Variants in EFCAB3 observed in about 807,000 individuals in gnomAD.
EFCAB3 encodes EF-hand calcium-binding domain-containing protein 3.
In EFCAB3, 36 loss-of-function variants were observed where a neutral mutation model predicts 42.2. The ratio of observed to expected loss-of-function variants is 0.85; its 90% confidence interval spans 0.65 to 1.13. The LOEUF (loss-of-function observed/expected upper bound fraction) is 1.13, where lower values mean the gene tolerates loss of function less well. Among genes scored for constraint, EFCAB3 ranks in the 50% most tolerant of loss-of-function variants. The probability of loss-of-function intolerance (pLI) is 0.00; values close to 1 mark genes in which losing one functional copy is unlikely to be tolerated. For missense variants in EFCAB3, 418 were observed against 505.1 expected (o/e 0.83, Z 1.65); for synonymous variants, 170 against 172.8 (o/e 0.98, Z 0.13).
At chr17:62,393,747 G>A in intron 5 of EFCAB3, 103 bp downstream of exon 5, 1 of 985,910 alleles carries the variant, frequency 1.0e-6, no homozygotes, top group Non-Finnish European at 1.6e-6. Context: ...TCAGGAAGGT[G>A]TAGTCTGGGA....
At chr17:62,383,194 G>A (rs1378002414) in intron 2 of EFCAB3, 141 bp downstream of exon 2, 1 of 739,312 alleles carries the variant, frequency 1.4e-6, no homozygotes, top group Non-Finnish European at 2.1e-6. Flanking sequence ...TGAGATTATT[G>A]GCCAGATGCA....
Position 62,382,922 on chromosome 17 carries a change from A to G in EFCAB3, c.-17-41A>G, listed in dbSNP as rs1567721210. ...AGTTGCAAAAGAATATAAAGAATGA[A>G]TCTGTAAACTGATTTCTTAATTGTA... On this transcript the variant is annotated intron_variant, in intron 1 of 9. Transcript: ENST00000305286. 5 of 1,557,840 alleles carry G rather than the reference A, an allele frequency of 3.2e-6. No homozygotes were observed. The South Asian group carries it at 4.7e-5, about 15-fold the overall frequency.
chr17:62,384,465 A>C (rs1252593695), intron 2 of EFCAB3, among the ~76,000 whole-genome samples: 1 of 152,098 alleles, frequency 6.6e-6, no homozygotes, highest in African/African-American at 2.4e-5. Context: ...AGATACAAAA[A>C]TTAACTGGGT....
At chr17:62,383,958 A>C (rs548215473) in intron 2 of EFCAB3, among the ~76,000 whole-genome samples, 6 of 152,350 alleles carry the variant, frequency 3.9e-5, no homozygotes, top group African/African-American at 1.4e-4. Flanking sequence ...ACCTAACAAC[A>C]AATTTCAATT....
intron 6 of EFCAB3, among the ~76,000 whole-genome samples, chr17:62,400,514 T>C (rs565196300): frequency 2.0e-5 from 3 of 152,344 alleles, no homozygotes; most frequent in Non-Finnish European, 4.4e-5. Context: ...TTGCTCAGAA[T>C]GATGGTTTCC....
chr17:62,407,261 A>G (rs777083796), intron 8 of EFCAB3, 49 bp downstream of exon 8: 3 of 1,437,126 alleles, frequency 2.1e-6, no homozygotes, highest in Admixed American at 2.5e-5. Context: ...ATTTTTAAGC[A>G]CTAACTTAAC....
At chr17:62,397,562 C>G (rs1195440636) in intron 6 of EFCAB3, 3 of 591,118 alleles carry the variant, frequency 5.1e-6, no homozygotes, top group Non-Finnish European at 9.9e-6. Flanking sequence ...AGGAATTGTG[C>G]TGGAAAAAAT....
intron 4 of EFCAB3, among the ~76,000 whole-genome samples, chr17:62,393,273 C>T (rs2070319983): frequency 1.3e-5 from 2 of 152,134 alleles, no homozygotes; most frequent in Admixed American, 6.6e-5. Context: ...GAAGACAGGA[C>T]AGATTCCTTG....
chr17:62,413,662 A>T, intron 8 of EFCAB3, 70 bp from the exon 9 acceptor site: 2 of 1,199,238 alleles, frequency 1.7e-6, no homozygotes, highest in Non-Finnish European at 2.3e-6. Context: ...ATACTTATTT[A>T]TTATGTCTTT....
chr17:62,398,025 CAAAAAAA>C, intron 6 of EFCAB3: 18 of 91,340 alleles, frequency 2.0e-4, no homozygotes, highest in South Asian at 9.1e-4. Context: ...GACTCCATCT[CAAAAAAA>C]AAAAAAAAAA....
intron 1 of EFCAB3, among the ~76,000 whole-genome samples, chr17:62,371,735 G>C (rs1393269375): frequency 1.3e-5 from 2 of 152,296 alleles, no homozygotes; most frequent in East Asian, 3.9e-4. Flanking sequence ...ACAGGGGAAG[G>C]AGGGGGAATT....
At chr17:62,399,837 A>C (rs571446200) in intron 6 of EFCAB3, among the ~76,000 whole-genome samples, 1 of 152,236 alleles carries the variant, frequency 6.6e-6, no homozygotes, top group Non-Finnish European at 1.5e-5. Flanking sequence ...TATGCAATAA[A>C]ATTTACTTAT....
chr17:62,383,086 A>G, intron 2 of EFCAB3, 33 bp downstream of exon 2: 1 of 1,554,806 alleles, frequency 6.4e-7, no homozygotes, highest in African/African-American at 1.4e-5. Context: ...TGATAAATGT[A>G]TTATGATAAA....
At chr17:62,399,138 G>C (rs1234990150) in intron 6 of EFCAB3, among the ~76,000 whole-genome samples, 1 of 151,650 alleles carries the variant, frequency 6.6e-6, no homozygotes, top group African/African-American at 2.4e-5. Context: ...TCACTCCTCT[G>C]CTCAAAACCT....
intron 1 of EFCAB3, chr17:62,381,781 G>A (rs926168345): frequency 1.4e-5 from 6 of 413,796 alleles, no homozygotes; most frequent in African/African-American, 1.0e-4. Flanking sequence ...GACGACGACC[G>A]GCTCAACGAG....
At chr17:62,384,195 G>A (rs981669993) in intron 2 of EFCAB3, among the ~76,000 whole-genome samples, 5 of 152,172 alleles carry the variant, frequency 3.3e-5, no homozygotes, top group African/African-American at 1.2e-4. Context: ...TCCTACATTA[G>A]ATGGAAGGCT....
intron 1 of EFCAB3, among the ~76,000 whole-genome samples, chr17:62,371,224 G>T (rs2144041337): frequency 6.6e-6 from 1 of 152,076 alleles, no homozygotes; most frequent in Admixed American, 6.6e-5. Context: ...GCCTATCAAA[G>T]ACCTAAAAGA....
intron 6 of EFCAB3, among the ~76,000 whole-genome samples, chr17:62,402,248 G>A (rs1000647739): frequency 3.9e-5 from 6 of 152,280 alleles, no homozygotes; most frequent in African/African-American, 1.2e-4. Context: ...GGGACAATTT[G>A]ACTGCCTCTT....
intron 9 of EFCAB3, 106 bp downstream of exon 9, chr17:62,413,960 T>A: frequency 8.0e-7 from 1 of 1,253,602 alleles, no homozygotes; most frequent in Non-Finnish European, 1.1e-6. Flanking sequence ...CTCTATGTCT[T>A]TAAAATGAGA....
Sources: allele counts gnomAD v4.1 joint callset (sites outside exome capture counted in the v4.1 genomes callset), GRCh38; gene constraint gnomAD v4.1.1; transcripts MANE v1.5; gene names NCBI Gene and HGNC (gene_info 2026-07-23, HGNC 2026-07-21).